The following SLIT3 variants were observed in gnomAD, a reference collection of about 807,000 sequenced individuals.
The protein encoded by SLIT3 is slit homolog 3 protein.
SLIT3 carries 68 observed loss-of-function variants against 184.0 expected under a neutral mutation model. The ratio of observed to expected loss-of-function variants is 0.37; its 90% confidence interval spans 0.30 to 0.45. SLIT3 has a LOEUF of 0.45. SLIT3 is among the 20% of genes least tolerant of loss of function. The pLI, the probability that SLIT3 is intolerant of heterozygous loss-of-function variation, is 1.00. For missense variants in SLIT3, 1,707 were observed against 2,026.0 expected (o/e 0.84, Z 3.02); for synonymous variants, 831 against 828.6 (o/e 1.00, Z -0.05).
intron 1 of SLIT3, among the ~76,000 whole-genome samples, chr5:169,287,527 G>A (rs547245837): frequency 1.3e-5 from 2 of 152,278 alleles, no homozygotes; most frequent in South Asian, 2.1e-4. Context: ...GGAAGCTGAG[G>A]TCCTCTCTGG....
chr5:168,745,836 T>C (rs1763781910), intron 20 of SLIT3, among the ~76,000 whole-genome samples: 1 of 152,186 alleles, frequency 6.6e-6, no homozygotes, highest in Admixed American at 6.5e-5. Context: ...TGTCTTATTT[T>C]AAGAAATTGC....
At chr5:168,956,937 C>T (rs953471958) in intron 4 of SLIT3, among the ~76,000 whole-genome samples, 26 of 131,678 alleles carry the variant, frequency 2.0e-4, no homozygotes, top group African/African-American at 7.7e-4. Flanking sequence ...CCTCCACATC[C>T]ACTTTAAAAA....
intron 4 of SLIT3, among the ~76,000 whole-genome samples, chr5:169,124,816 C>T (rs1315765206): frequency 1.3e-5 from 2 of 151,098 alleles, no homozygotes; most frequent in Non-Finnish European, 2.9e-5. Flanking sequence ...TGGTATTGTG[C>T]TGTACCTTCT....
intron 4 of SLIT3, among the ~76,000 whole-genome samples, chr5:169,150,886 G>C (rs1213044692): frequency 6.6e-6 from 1 of 152,158 alleles, no homozygotes; most frequent in Non-Finnish European, 1.5e-5. Flanking sequence ...TCAGCAATCT[G>C]ATTTCATGCG....
intron 5 of SLIT3, among the ~76,000 whole-genome samples, chr5:168,855,651 T>C (rs1310681502): frequency 2.6e-5 from 4 of 152,176 alleles, no homozygotes; most frequent in African/African-American, 9.7e-5. Flanking sequence ...ATTCCATGAA[T>C]AGAAAATATC....
At chr5:168,911,162 G>A (rs1761239252) in intron 4 of SLIT3, among the ~76,000 whole-genome samples, 1 of 152,070 alleles carries the variant, frequency 6.6e-6, no homozygotes, top group African/African-American at 2.4e-5. Flanking sequence ...AATACTGCAC[G>A]TTAATTAAAT....
chr5:168,873,060 A>G (rs1759591219), intron 5 of SLIT3, among the ~76,000 whole-genome samples: 1 of 152,002 alleles, frequency 6.6e-6, no homozygotes, highest in Non-Finnish European at 1.5e-5. Flanking sequence ...TGCTTTTCCA[A>G]CACTCCCCAT....
rs1756588447 is a variant in SLIT3, at chr5:168,797,062, G to A, written c.936-1484C>T. Reference sequence around the variant, plus strand: ...TGCCTTTGTACCCTGCTGGAGGGGGGCGGGGAGTGCACTTTACCGGGAGCA... The same window carrying A: ...TGCCTTTGTACCCTGCTGGAGGGGGACGGGGAGTGCACTTTACCGGGAGCA... On this transcript the variant is annotated intron_variant, in intron 9 of 35. Coordinates refer to ENST00000519560, the MANE Select transcript of SLIT3 (RefSeq NM_003062.4). Among the ~76,000 whole-genome samples, 5 of 152,088 alleles carry A rather than the reference G, an allele frequency of 3.3e-5. No individual in the cohort carries two copies. In the South Asian group the frequency reaches 1.0e-3, roughly 32 times the overall value.
intron 9 of SLIT3, among the ~76,000 whole-genome samples, chr5:168,802,440 GTTTCAT>G (rs1295291845): frequency 6.6e-6 from 1 of 152,128 alleles, no homozygotes; most frequent in African/African-American, 2.4e-5. Context: ...TAATTTTTCA[GTTTCAT>G]TTTATCACAG....
intron 26 of SLIT3, among the ~76,000 whole-genome samples, chr5:168,703,446 T>C (rs902850284): frequency 1.3e-5 from 2 of 152,080 alleles, no homozygotes; most frequent in African/African-American, 4.8e-5. Flanking sequence ...AGGTCAGCCG[T>C]GGCGTTAGAT....
intron 4 of SLIT3, among the ~76,000 whole-genome samples, chr5:169,079,968 G>A (rs1027547814): frequency 6.6e-6 from 1 of 151,186 alleles, no homozygotes; most frequent in African/African-American, 2.4e-5. Flanking sequence ...AGAAGAGGAG[G>A]AGATTATGCA....
Position 168,687,042 on chromosome 5 carries a change from C to T in SLIT3, c.3251G>A (p.Arg1084His), listed in dbSNP as rs143540502. The T allele has an allele frequency of 1.4e-4, 231 of 1,614,266 alleles. 1 individual carries two copies. The African/African-American group carries it at 2.1e-3, about 14-fold the overall frequency. ...TGTGTCCACGCACTGGGCCCCGTGG[C>T]GGCACTTGTGGGCCACACAGTCATC... ...DNDDCVAHKCRHGAQCVDTIN... is the reference protein window; with the variant it reads ...DNDDCVAHKCHHGAQCVDTIN... Residue 1084 changes from arginine (R) to histidine (H), a missense_variant, in exon 30 of 36, where the codon CGC becomes CAC. By Grantham distance (29) the Arg-to-His change is conservative. Coordinates refer to ENST00000519560, the MANE Select transcript of SLIT3 (RefSeq NM_003062.4).
At chr5:168,857,119 T>C (rs987763419) in intron 5 of SLIT3, among the ~76,000 whole-genome samples, 5 of 152,028 alleles carry the variant, frequency 3.3e-5, no homozygotes, top group African/African-American at 4.8e-5. Context: ...ACAGAGATGG[T>C]TCCTACTTGG....
At chr5:169,145,670 C>T (rs1433490169) in intron 4 of SLIT3, among the ~76,000 whole-genome samples, 1 of 152,178 alleles carries the variant, frequency 6.6e-6, no homozygotes, top group Non-Finnish European at 1.5e-5. Context: ...GAGTAATAAC[C>T]TATTCCTGCC....
chr5:169,114,733 T>C (rs1346353581), intron 4 of SLIT3, among the ~76,000 whole-genome samples: 1 of 152,200 alleles, frequency 6.6e-6, no homozygotes, highest in African/African-American at 2.4e-5. Flanking sequence ...TGTTCTTTCC[T>C]CTTAGGGCTG....
chr5:168,835,580 G>A (rs564976978), intron 6 of SLIT3, among the ~76,000 whole-genome samples: 6 of 152,050 alleles, frequency 3.9e-5, no homozygotes, highest in South Asian at 2.1e-4. Context: ...AGGCCGAGGT[G>A]GGCAGATCAC....
rs558197858 is a variant in SLIT3 at position 169,027,605 on chromosome 5, C to G, written c.414-144269G>C. ...GATTCCTTTTCACTCAACTCTCCGC[C>G]GTGACCCATATGCCACTTTATTCCT... On this transcript the variant is annotated intron_variant, in intron 4 of 35. Transcript: ENST00000519560. Among the ~76,000 whole-genome samples, 32 of 152,284 alleles carry G rather than the reference C, an allele frequency of 2.1e-4. No individual in the cohort carries two copies. The South Asian group carries it at 6.6e-3, about 32-fold the overall frequency.
chr5:169,205,470 G>A (rs1447470700), intron 3 of SLIT3, among the ~76,000 whole-genome samples: 1 of 152,164 alleles, frequency 6.6e-6, no homozygotes, highest in East Asian at 1.9e-4. Flanking sequence ...TACCTACTAG[G>A]ATATCCATTC....
intron 26 of SLIT3, among the ~76,000 whole-genome samples, chr5:168,704,133 G>T (rs897374947): frequency 6.6e-6 from 1 of 151,634 alleles, no homozygotes; most frequent in African/African-American, 2.4e-5. Flanking sequence ...CCTGACCTCG[G>T]ATCTAATGAA....
Sources: gnomAD v4.1 joint callset for allele counts (sites outside exome capture counted in the v4.1 genomes callset) on GRCh38, gnomAD v4.1.1 for gene constraint, MANE v1.5 for transcripts, NCBI Gene and HGNC (gene_info 2026-07-23, HGNC 2026-07-21) for gene names.